DSTN: variants seen among roughly 807,000 people sequenced by gnomAD.
DSTN encodes the protein destrin, actin depolymerizing factor.
A neutral mutation model predicts 16.8 loss-of-function variants in DSTN; 10 were observed. The observed-to-expected ratio is 0.60, with a 90% CI of 0.37 to 1.01. The LOEUF (loss-of-function observed/expected upper bound fraction) is 1.01, where lower values mean the gene tolerates loss of function less well. Among genes scored for constraint, DSTN ranks in the 50% least tolerant of loss-of-function variants. DSTN has a pLI of 0.01. For synonymous variants in DSTN, 57 were observed against 58.9 expected (o/e 0.97, Z 0.14); for missense variants, 141 against 196.7 (o/e 0.72, Z 1.69).
chr20:17,575,927 T>C (rs2035273127), intron 1 of DSTN, among the ~76,000 whole-genome samples: 1 of 152,232 alleles, frequency 6.6e-6, no homozygotes, highest in East Asian at 1.9e-4. Context: ...ACTTCAGCAA[T>C]ATTGTAACCA....
intron 1 of DSTN, among the ~76,000 whole-genome samples, chr20:17,574,175 G>C (rs1232375869): frequency 2.6e-5 from 4 of 152,168 alleles, no homozygotes; most frequent in African/African-American, 9.7e-5. Flanking sequence ...CTGCACTCCA[G>C]CCTGGCCACA....
At position 17,591,957 on chromosome 20, in the gene DSTN, A is replaced by G. The variant is rs564591924; in HGVS notation, c.4-8781A>G. The G allele has an allele frequency of 8.3e-5, 82 of 985,444 alleles. No individual in the cohort carries two copies. In the South Asian group the frequency reaches 3.5e-3, roughly 42 times the overall value. The allele number at this position is 985,444 out of a possible 1,614,324, so 61.0% of individuals were successfully genotyped here. ...ATTTTCAGTTCACCCACTAGAGGCA[A>G]AGACGTAAGAGAGCTACCAGCGTAT... On this transcript the variant is annotated intron_variant, in intron 1 of 3. Coordinates refer to ENST00000246069, the MANE Select transcript of DSTN (RefSeq NM_006870.4).
rs557318819 is a variant in DSTN, at chr20:17,609,508, G to A, written c.*2362G>A. 6.6e-6 allele frequency: 1 copy of A among 152,376 alleles called. No homozygotes were observed. The highest frequency in any genetic ancestry group is 1.5e-5 in the Non-Finnish European group (1 of 68,058). 9.4% of individuals were successfully genotyped at this position (152,376 alleles called of 1,614,324 possible). A position where few individuals can be genotyped will look rare whatever the true frequency, so the allele number is the denominator to read the frequency against. The stretch of plus-strand genomic sequence containing the variant: ...TTTTTCCTGTGGTGTTGGCTTAAGT[G>A]TGGCACTGTTGTGCGTGTGTGAGGT... On this transcript the variant is annotated 3_prime_UTR_variant, in exon 4 of 4. Transcript: ENST00000246069.
chr20:17,570,099 G>A lies in DSTN; in HGVS notation c.-110G>A, dbSNP rs2035177631. The A allele has an allele frequency of 8.9e-6, 13 of 1,464,354 alleles. No homozygotes were observed. The highest frequency in any genetic ancestry group is 1.2e-5 in the Non-Finnish European group (13 of 1,108,010). The allele number at this position is 1,464,354 out of a possible 1,614,324, so 90.7% of individuals were successfully genotyped here. ...CGCCCCGGGGTAAGCTCGCGCCGCC[G>A]CGTCAGCTCAGCGCTGGGTCTCTCG... On this transcript the variant is annotated 5_prime_UTR_variant, in exon 1 of 4. Transcript: ENST00000246069.
chr20:17,571,721 C>A (rs2035209359), intron 1 of DSTN, among the ~76,000 whole-genome samples: 1 of 152,108 alleles, frequency 6.6e-6, no homozygotes, highest in Non-Finnish European at 1.5e-5. Flanking sequence ...TATTGAGTGG[C>A]TAATACAGAC....
chr20:17,604,190 A>G (rs1216716263), intron 2 of DSTN, among the ~76,000 whole-genome samples: 2 of 152,220 alleles, frequency 1.3e-5, no homozygotes, highest in African/African-American at 4.8e-5. Context: ...CCTGAATCCA[A>G]TCCCTTATTA....
chr20:17,580,951 G>A (rs1274280169), intron 1 of DSTN, among the ~76,000 whole-genome samples: 1 of 152,168 alleles, frequency 6.6e-6, no homozygotes, highest in Non-Finnish European at 1.5e-5. Context: ...AAAGGCTTGT[G>A]TGGTTAGCAT....
At chr20:17,578,875 C>T (rs2035310092) in intron 1 of DSTN, among the ~76,000 whole-genome samples, 1 of 145,824 alleles carries the variant, frequency 6.9e-6, no homozygotes, top group Non-Finnish European at 1.5e-5. Context: ...GCAGGAGAAT[C>T]ACTTGGACTT....
chr20:17,589,562 A>G (rs951189386), intron 1 of DSTN, among the ~76,000 whole-genome samples: 2 of 152,224 alleles, frequency 1.3e-5, no homozygotes, highest in Admixed American at 6.5e-5. Flanking sequence ...TGAAGCAGAA[A>G]TGTGCTGAAG....
intron 1 of DSTN, among the ~76,000 whole-genome samples, chr20:17,571,938 A>T (rs2035211741): frequency 3.3e-5 from 5 of 152,222 alleles, no homozygotes. Context: ...AGAAGACCTT[A>T]CAAGTTACTC....
At chr20:17,570,718 T>G (rs766615671) in intron 1 of DSTN, among the ~76,000 whole-genome samples, 5 of 152,204 alleles carry the variant, frequency 3.3e-5, no homozygotes, top group African/African-American at 4.8e-5. Flanking sequence ...AGATAAAGCC[T>G]TTATGGAACA....
chr20:17,578,645 G>A (rs974750845), intron 1 of DSTN, among the ~76,000 whole-genome samples: 2 of 152,092 alleles, frequency 1.3e-5, no homozygotes, highest in South Asian at 4.1e-4. Flanking sequence ...ATAGAAAAGC[G>A]CTCAAAAGCC....
chr20:17,600,899 C>G lies in DSTN; in HGVS notation c.165C>G (p.Ile55Met). ...KCIIVEEGKE[I>M]LVGDVGVTIT... ...TCATTGTAGAAGAAGGCAAAGAGAT[C>G]TTGGTTGGAGATGTTGGTGTAACCA... Residue 55 changes from isoleucine (I) to methionine (M), a missense_variant, in exon 2 of 4, where the codon ATC becomes ATG. Physicochemically the swap from Ile to Met is conservative, Grantham distance 10. Transcript: ENST00000246069. 1 of 1,613,874 alleles carries G rather than the reference C, an allele frequency of 6.2e-7. No individual in the cohort carries two copies. The highest frequency in any genetic ancestry group is 8.5e-7 in the Non-Finnish European group (1 of 1,179,886).
At chr20:17,600,467 ACTT>A (rs2035574275) in intron 1 of DSTN, among the ~76,000 whole-genome samples, 2 of 152,124 alleles carry the variant, frequency 1.3e-5, no homozygotes, top group South Asian at 4.2e-4. Flanking sequence ...CTTAGGAAAC[ACTT>A]CTTTTAAGGT....
intron 2 of DSTN, among the ~76,000 whole-genome samples, chr20:17,603,921 ATCAAAACC>A (rs1447879136): frequency 2.0e-5 from 3 of 152,202 alleles, no homozygotes; most frequent in Non-Finnish European, 2.9e-5. Context: ...TACCTGTGGG[ATCAAAACC>A]TGCTATTGGA....
Position 17,600,949 on chromosome 20 carries a change from T to C in DSTN, c.215T>C (p.Val72Ala). ...VTITDPFKHF[V>A]GMLPEKDCRY... is the part of the protein sequence containing the mutation. ...ATAACTGATCCTTTCAAGCATTTTGTGGGAATGCTTCCTGAAAAAGATTGT... is the reference window on the plus strand; with the variant it reads ...ATAACTGATCCTTTCAAGCATTTTGCGGGAATGCTTCCTGAAAAAGATTGT... The change falls in exon 2 of 4, where the codon GTG becomes GCG. Residue 72 changes from valine (V) to alanine (A), a missense_variant. Physicochemically the swap from Val to Ala is moderately conservative, Grantham distance 64. Coordinates refer to ENST00000246069, the MANE Select transcript of DSTN (RefSeq NM_006870.4). The C allele has an allele frequency of 6.2e-7, 1 of 1,614,070 alleles. No individual in the cohort carries two copies. The highest frequency in any genetic ancestry group is 8.5e-7 in the Non-Finnish European group (1 of 1,179,960).
Position 17,608,562 on chromosome 20 carries a change from G to T in DSTN, c.*1416G>T, listed in dbSNP as rs113476958. 0.027 allele frequency: 4,066 copies of T among 150,630 alleles called. 68 individuals are homozygous for T. Among genetic ancestry groups the T allele is most frequent in the South Asian group, 0.036 (172 of 4,728 alleles). The allele number at this position is 150,630 out of a possible 1,614,324, so 9.3% of individuals were successfully genotyped here. The stretch of plus-strand genomic sequence containing the variant: ...GGAGGATCACTTGAGCCCAGGAGGT[G>T]AGCTGAGATCGTGCCACTGTACTCC... On this transcript the variant is annotated 3_prime_UTR_variant, in exon 4 of 4. Transcript: ENST00000246069.
intron 3 of DSTN, chr20:17,605,351 A>G (rs1192098370): frequency 6.0e-6 from 2 of 336,028 alleles, no homozygotes; most frequent in Admixed American, 4.1e-5. Context: ...GTAGAAGGGG[A>G]GACTTGGTCT....
intron 1 of DSTN, among the ~76,000 whole-genome samples, chr20:17,574,836 TTTTC>T (rs1352013260): frequency 1.0e-4 from 15 of 147,210 alleles, no homozygotes; most frequent in Admixed American, 8.1e-4. Context: ...TTCCTTTCTT[TTTTC>T]TTTCTTTTCT....
Sources: allele counts gnomAD v4.1 joint callset (sites outside exome capture counted in the v4.1 genomes callset), GRCh38; gene constraint gnomAD v4.1.1; transcripts MANE v1.5; gene names NCBI Gene and HGNC (gene_info 2026-07-23, HGNC 2026-07-21).